Variants in OXCT1 observed in about 807,000 individuals in gnomAD.
The protein encoded by OXCT1 is succinyl-CoA:3-ketoacid coenzyme A transferase 1, mitochondrial.
Under a neutral mutation model 69.6 loss-of-function variants are expected in OXCT1, and 27 were observed. The observed-to-expected ratio is 0.39, with a 90% CI of 0.29 to 0.54. The LOEUF (loss-of-function observed/expected upper bound fraction) is 0.54. Among genes scored for constraint, OXCT1 ranks in the 20% least tolerant of loss-of-function variants. The pLI is 0.72. For missense variants in OXCT1, 437 were observed against 650.2 expected, an observed-to-expected ratio of 0.67 and a Z score of 3.57; for synonymous variants, 202 against 217.8, an observed-to-expected ratio of 0.93 and a Z score of 0.64.
At chr5:41,846,816 T>C (rs1249195753) in intron 5 of OXCT1, among the ~76,000 whole-genome samples, 3 of 152,182 alleles carry the variant, frequency 2.0e-5, no homozygotes, top group Non-Finnish European at 2.9e-5. Context: ...TTTTTAATGA[T>C]TGCCATTCTA....
intron 7 of OXCT1, among the ~76,000 whole-genome samples, chr5:41,813,684 A>AT (rs1747094372): frequency 6.6e-6 from 1 of 151,658 alleles, no homozygotes; most frequent in Non-Finnish European, 1.5e-5. Flanking sequence ...GCCTCCAAGT[A>AT]TTTACTAAAA....
intron 3 of OXCT1, among the ~76,000 whole-genome samples, chr5:41,855,453 A>T (rs1749385522): frequency 6.6e-6 from 1 of 152,170 alleles, no homozygotes; most frequent in Non-Finnish European, 1.5e-5. Context: ...AAGAGACAGA[A>T]ATGTAGTGAT....
intron 16 of OXCT1, among the ~76,000 whole-genome samples, chr5:41,736,369 G>A (rs949582666): frequency 6.6e-6 from 1 of 152,130 alleles, no homozygotes; most frequent in Non-Finnish European, 1.5e-5. Context: ...ACTTTCAGTT[G>A]ATACAAAATC....
At chr5:41,779,557 A>G (rs1745294318) in intron 13 of OXCT1, among the ~76,000 whole-genome samples, 1 of 152,170 alleles carries the variant, frequency 6.6e-6, no homozygotes, top group African/African-American at 2.4e-5. Context: ...ACAAAGCTAA[A>G]ACTAGAATTC....
At chr5:41,763,940 T>C (rs993618421) in intron 13 of OXCT1, among the ~76,000 whole-genome samples, 2 of 152,158 alleles carry the variant, frequency 1.3e-5, no homozygotes, top group African/African-American at 4.8e-5. Flanking sequence ...TACTGTCAAT[T>C]AGTTTAGAAA....
At chr5:41,801,299 C>T (rs1746416366) in intron 10 of OXCT1, among the ~76,000 whole-genome samples, 1 of 152,026 alleles carries the variant, frequency 6.6e-6, no homozygotes, top group Admixed American at 6.6e-5. Flanking sequence ...CTAAAAATTA[C>T]CAGTTTGAAA....
At chr5:41,794,574 G>A in intron 12 of OXCT1, 103 bp downstream of exon 12, 3 of 1,030,084 alleles carry the variant, frequency 2.9e-6, no homozygotes, top group Non-Finnish European at 4.4e-6. Flanking sequence ...TAGTTTTCTG[G>A]CTGGGAAATG....
intron 13 of OXCT1, among the ~76,000 whole-genome samples, chr5:41,773,131 A>C (rs987574599): frequency 6.6e-6 from 1 of 152,224 alleles, no homozygotes; most frequent in Admixed American, 6.5e-5. Flanking sequence ...ATATAACAGG[A>C]GATTCAAAGA....
chr5:41,771,152 TTC>T (rs1554011645), intron 13 of OXCT1, among the ~76,000 whole-genome samples: 1 of 152,144 alleles, frequency 6.6e-6, no homozygotes, highest in Non-Finnish European at 1.5e-5. Flanking sequence ...GAAAAATGAG[TTC>T]TGTTCCTAGC....
chr5:41,832,460 A>G (rs1218267139), intron 7 of OXCT1, among the ~76,000 whole-genome samples: 2 of 152,202 alleles, frequency 1.3e-5, no homozygotes, highest in Non-Finnish European at 2.9e-5. Flanking sequence ...CCATCAAGAC[A>G]ATACCTCCTA....
chr5:41,778,340 ACT>A (rs1745225416), intron 13 of OXCT1, among the ~76,000 whole-genome samples: 1 of 152,230 alleles, frequency 6.6e-6, no homozygotes, highest in Middle Eastern at 3.4e-3. Flanking sequence ...AAAGTTAAAA[ACT>A]CTGCGTTTTA....
chr5:41,735,916 T>C (rs1742863589), intron 16 of OXCT1, among the ~76,000 whole-genome samples: 1 of 152,226 alleles, frequency 6.6e-6, no homozygotes, highest in Non-Finnish European at 1.5e-5. Context: ...AGCTCAGCAA[T>C]GAAGGCTACC....
At chr5:41,779,324 A>C (rs1187037002) in intron 13 of OXCT1, among the ~76,000 whole-genome samples, 7 of 152,220 alleles carry the variant, frequency 4.6e-5, no homozygotes, top group Non-Finnish European at 5.9e-5. Context: ...AAGTTAGACT[A>C]GCCACATGTG....
chr5:41,864,978 T>C (rs1313310472), intron 1 of OXCT1, among the ~76,000 whole-genome samples: 1 of 152,188 alleles, frequency 6.6e-6, no homozygotes, highest in Non-Finnish European at 1.5e-5. Flanking sequence ...TTCAATATGC[T>C]GAGAAACACA....
In OXCT1 at chr5:41,731,682, G is replaced by C. The variant is rs755629391; in HGVS notation, c.*47C>G. ...ATTGATGTCCTTTCAATTAAATCTT[G>C]TGTGTTTAAAATGAAAAACACGCAG... On this transcript the variant is annotated 3_prime_UTR_variant, in exon 17 of 17. Transcript: ENST00000196371. 193 of 1,575,930 alleles carry C rather than the reference G, an allele frequency of 1.2e-4. 1 individual carries two copies. The Middle Eastern group carries it at 2.4e-3, about 20-fold the overall frequency.
intron 11 of OXCT1, among the ~76,000 whole-genome samples, 175 bp from the exon 12 acceptor site, chr5:41,794,924 T>TTGTGGTGGAAAGCAA (rs1746106563): frequency 6.6e-6 from 1 of 152,218 alleles, no homozygotes. Flanking sequence ...GGAAAGCATT[T>TTGTGGTGGAAAGCAA]TGTCACTGAC....
chr5:41,732,097 G>A (rs1742663731), intron 16 of OXCT1, among the ~76,000 whole-genome samples: 2 of 152,150 alleles, frequency 1.3e-5, no homozygotes, highest in South Asian at 2.1e-4. Context: ...ACTGATCTCC[G>A]AGACTGATGC....
chr5:41,862,772 AT>A, intron 1 of OXCT1, 22 bp from the exon 2 acceptor site: 1 of 1,348,118 alleles, frequency 7.4e-7, no homozygotes, highest in Non-Finnish European at 1.1e-6. Flanking sequence ...AAAAAAAAAA[AT>A]TGATAATCAT....
At chr5:41,734,341 G>A (rs1742783395) in intron 16 of OXCT1, among the ~76,000 whole-genome samples, 1 of 151,996 alleles carries the variant, frequency 6.6e-6, no homozygotes, top group South Asian at 2.1e-4. Flanking sequence ...AAGAAATATT[G>A]TTTCAAAAGA....
Sources: allele counts gnomAD v4.1 joint callset (sites outside exome capture counted in the v4.1 genomes callset), GRCh38; gene constraint gnomAD v4.1.1; transcripts MANE v1.5; gene names NCBI Gene and HGNC (gene_info 2026-07-23, HGNC 2026-07-21).